Variants in TENM4 observed in about 807,000 individuals in gnomAD.
The protein encoded by TENM4 is teneurin transmembrane protein 4.
In TENM4, 82 loss-of-function variants were observed where a neutral mutation model predicts 243.3. The observed-to-expected ratio is 0.34, with a 90% confidence interval of 0.28 to 0.40. TENM4 has a LOEUF of 0.40. Ranked by LOEUF, TENM4 falls within the 10% of genes least tolerant of loss-of-function variation. TENM4 has a pLI of 1.00. For synonymous variants in TENM4, 1,412 were observed against 1,456.3 expected (o/e 0.97, Z 0.69); for missense variants, 3,138 against 3,673.3 (o/e 0.85, Z 3.77).
chr11:79,350,373 G>A (rs1465612605), intron 1 of TENM4, among the ~76,000 whole-genome samples: 3 of 151,142 alleles, frequency 2.0e-5, no homozygotes, highest in Non-Finnish European at 4.4e-5. Context: ...AGTCCGTGCT[G>A]TCATCATCTC....
intron 2 of TENM4, among the ~76,000 whole-genome samples, chr11:79,267,585 C>G (rs1306184220): frequency 6.6e-6 from 1 of 152,172 alleles, no homozygotes; most frequent in Non-Finnish European, 1.5e-5. Context: ...TAAAACATCT[C>G]TGGTCCTTCA....
intron 23 of TENM4, among the ~76,000 whole-genome samples, chr11:78,723,879 C>A (rs1422499069): frequency 6.6e-6 from 1 of 152,172 alleles, no homozygotes; most frequent in Non-Finnish European, 1.5e-5. Flanking sequence ...TCTAATCAAT[C>A]ATTTTTCTAC....
intron 2 of TENM4, among the ~76,000 whole-genome samples, chr11:79,226,954 C>T (rs922311627): frequency 3.3e-5 from 5 of 152,182 alleles, no homozygotes; most frequent in African/African-American, 9.7e-5. Flanking sequence ...TGTCTATTTG[C>T]TCCCAGATCC....
intron 27 of TENM4, among the ~76,000 whole-genome samples, chr11:78,706,660 C>T (rs1316160176): frequency 5.3e-5 from 8 of 152,274 alleles, no homozygotes; most frequent in Non-Finnish European, 7.4e-5. Context: ...TTTCCCCCTC[C>T]GCCATATGCC....
intron 6 of TENM4, among the ~76,000 whole-genome samples, chr11:79,051,676 T>G (rs1195329950): frequency 2.6e-5 from 4 of 152,128 alleles, no homozygotes; most frequent in Non-Finnish European, 5.9e-5. Context: ...CTTCTTCAAC[T>G]TTTAAGTTCA....
At chr11:79,149,039 A>G (rs1444446603) in intron 3 of TENM4, among the ~76,000 whole-genome samples, 2 of 152,168 alleles carry the variant, frequency 1.3e-5, no homozygotes, top group African/African-American at 2.4e-5. Flanking sequence ...AATGCTCATT[A>G]AGTAGTTGAT....
chr11:78,928,486 G>T (rs1262204221), intron 6 of TENM4, among the ~76,000 whole-genome samples: 2 of 152,146 alleles, frequency 1.3e-5, no homozygotes, highest in Non-Finnish European at 2.9e-5. Flanking sequence ...AAATCTGCAA[G>T]GTGCTTGACG....
At chr11:79,295,177 T>C (rs1856428911) in intron 2 of TENM4, among the ~76,000 whole-genome samples, 1 of 152,120 alleles carries the variant, frequency 6.6e-6, no homozygotes, top group Non-Finnish European at 1.5e-5. Context: ...GAATGAACAT[T>C]CTTGTAGCAG....
chr11:79,236,502 G>C (rs866726524), intron 2 of TENM4, among the ~76,000 whole-genome samples: 1 of 152,046 alleles, frequency 6.6e-6, no homozygotes, highest in Non-Finnish European at 1.5e-5. Context: ...TCTTTCTCGC[G>C]CTGTGATCTT....
At chr11:79,157,613 A>ATTCCTCCACAATTCTG (rs1182784282) in intron 3 of TENM4, among the ~76,000 whole-genome samples, 1 of 152,094 alleles carries the variant, frequency 6.6e-6, no homozygotes, top group East Asian at 1.9e-4. Context: ...TTGTCCTTCT[A>ATTCCTCCACAATTCTG]TTCCTCCACA....
intron 3 of TENM4, among the ~76,000 whole-genome samples, chr11:79,161,315 T>C (rs552572651): frequency 4.6e-5 from 7 of 152,344 alleles, no homozygotes; most frequent in South Asian, 4.1e-4. Flanking sequence ...CTTATTCCAT[T>C]ACTAATTTCT....
intron 1 of TENM4, among the ~76,000 whole-genome samples, chr11:79,298,825 C>T (rs1270449925): frequency 6.6e-6 from 1 of 152,144 alleles, no homozygotes; most frequent in African/African-American, 2.4e-5. Context: ...ATCCATGTGT[C>T]ACCTCTACTA....
intron 6 of TENM4, among the ~76,000 whole-genome samples, chr11:78,988,102 C>T (rs889745524): frequency 6.6e-6 from 1 of 152,256 alleles, no homozygotes; most frequent in African/African-American, 2.4e-5. Flanking sequence ...GAGAGTTTGA[C>T]TTCCAAGGCT....
intron 4 of TENM4, among the ~76,000 whole-genome samples, chr11:79,085,818 C>T (rs996407918): frequency 1.4e-4 from 22 of 152,178 alleles, no homozygotes; most frequent in Admixed American, 7.9e-4. Context: ...ATACCCATAA[C>T]CCCACACTTT....
chr11:78,915,102 A>T (rs1856285182), intron 6 of TENM4, among the ~76,000 whole-genome samples: 1 of 152,244 alleles, frequency 6.6e-6, no homozygotes, highest in Non-Finnish European at 1.5e-5. Flanking sequence ...CTCTTTAAAA[A>T]GGTGCCAAGG....
intron 17 of TENM4, among the ~76,000 whole-genome samples, chr11:78,772,698 A>G (rs937766844): frequency 1.3e-4 from 20 of 148,770 alleles, no homozygotes; most frequent in Admixed American, 2.6e-4. Context: ...TTGATAGTTG[A>G]CTGTTATTCC....
At chr11:79,062,872 G>A (rs138757244) in intron 6 of TENM4, among the ~76,000 whole-genome samples, 2 of 152,210 alleles carry the variant, frequency 1.3e-5, no homozygotes, top group East Asian at 3.9e-4. Context: ...GGGGTGGGGA[G>A]AAGCAGGGTT....
rs546747540 is a variant in TENM4 at position 78,866,888 on chromosome 11, A to C, written c.1085-3756T>G. Among the ~76,000 whole-genome samples, 201 of 152,324 alleles carry C rather than the reference A, an allele frequency of 1.3e-3. 4 individuals are homozygous for C. The South Asian group carries it at 0.04, about 30-fold the overall frequency. On this transcript the variant is annotated intron_variant, in intron 9 of 33. Transcript: ENST00000278550. ...GCTGAGAAATGGCTACCTGGAAAGT[A>C]AGGAGTAGGATGAAGCAGAGATTCA... is the stretch of plus-strand genomic sequence containing the variant.
rs1295203777 is a variant in TENM4 at position 79,064,761 on chromosome 11, G to T, written c.470C>A (p.Thr157Asn). 6.4e-7 allele frequency: 1 copy of T among 1,551,566 alleles called. No homozygotes were observed. The highest frequency in any genetic ancestry group is 8.7e-7 in the Non-Finnish European group (1 of 1,146,996). The change falls in exon 6 of 34, where the codon ACC becomes AAC. Residue 157 changes from threonine (T) to asparagine (N), a missense_variant. Thr to Asn is a moderately conservative substitution (Grantham distance 65, BLOSUM62 0). Around this residue, in one of 2 missense-constraint regions of TENM4, gnomAD observed 671 missense variants for 614.1 expected, o/e 1.09. Transcript: ENST00000278550. ...RANSNLTLTD[T>N]EHENTETDHP... ...ACCAGTCTCAGTGTTTTCATGCTCG[G>T]TGTCGGTGAGTGTGAGATTGGAATT... is the stretch of plus-strand genomic sequence containing the variant.
Sources: gnomAD v4.1 joint callset for allele counts (sites outside exome capture counted in the v4.1 genomes callset) on GRCh38, gnomAD v4.1.1 for gene constraint, gnomAD v4.1.1 regional missense constraint, MANE v1.5 for transcripts, NCBI Gene and HGNC (gene_info 2026-07-23, HGNC 2026-07-21) for gene names.